The following CNTNAP3B variants were observed in gnomAD, a reference collection of about 807,000 sequenced individuals.
CNTNAP3B encodes contactin-associated protein-like 3B.
In CNTNAP3B, 25 loss-of-function variants were observed where a neutral mutation model predicts 108.9. The observed-to-expected ratio is 0.23, with a 90% CI of 0.17 to 0.32. The LOEUF (loss-of-function observed/expected upper bound fraction) is 0.32, where lower values mean the gene tolerates loss of function less well. Ranked by LOEUF, CNTNAP3B falls within the 10% of genes least tolerant of loss-of-function variation. The pLI is 1.00. For missense variants in CNTNAP3B, 252 were observed against 1,210.4 expected, an observed-to-expected ratio of 0.21 and a Z score of 11.75; for synonymous variants, 103 against 473.4, an observed-to-expected ratio of 0.22 and a Z score of 10.16.
At chr9:41,967,933 G>A (rs1344458572) in intron 10 of CNTNAP3B, among the ~76,000 whole-genome samples, 4 of 152,214 alleles carry the variant, frequency 2.6e-5, no homozygotes, top group South Asian at 2.1e-4. Flanking sequence ...ATGCTTAGTT[G>A]AGCATGTTTA....
chr9:42,012,928 G>C lies in CNTNAP3B; in HGVS notation c.538+450C>G, dbSNP rs184458715. 3.4e-3 allele frequency among the ~76,000 whole-genome samples: 326 copies of C among 96,700 alleles called. 108 individuals are homozygous for C. Among genetic ancestry groups the C allele is most frequent in the African/African-American group, 0.011 (280 of 25,568 alleles). 63.4% of individuals were successfully genotyped at this position (96,700 alleles called of 152,430 possible). On this transcript the variant is annotated intron_variant, in intron 4 of 23. Transcript: ENST00000377561. ...ATCAAGTGAAGCGACAGCATGGTGT[G>C]CAAAAGAGGACGTTAGCAGAGAAAA...
chr9:41,977,742 C>T (rs776712907), intron 9 of CNTNAP3B, among the ~76,000 whole-genome samples: 1 of 127,916 alleles, frequency 7.8e-6, no homozygotes, highest in Non-Finnish European at 1.6e-5. Flanking sequence ...GCCTCAGCCT[C>T]CTGGGAAGCT....
Position 41,962,441 on chromosome 9 carries a change from T to C in CNTNAP3B, c.1757-1549A>G, listed in dbSNP as rs1355669216. The stretch of plus-strand genomic sequence containing the variant: ...AATAACCATGGACTAATATAACTCA[T>C]TGATTAATTGCAACATTAAATGCAA... On this transcript the variant is annotated intron_variant, in intron 11 of 23. Coordinates refer to ENST00000377561, the MANE Select transcript of CNTNAP3B (RefSeq NM_001201380.3). Among the ~76,000 whole-genome samples, 726 of 151,528 alleles carry C rather than the reference T, an allele frequency of 4.8e-3. 1 individual carries two copies. The highest frequency in any genetic ancestry group is 8.0e-3 in the Admixed American group (122 of 15,164).
At chr9:42,101,989 G>A (rs1172548070) in intron 2 of CNTNAP3B, among the ~76,000 whole-genome samples, 1 of 82,740 alleles carries the variant, frequency 1.2e-5, no homozygotes, top group South Asian at 3.9e-4. Flanking sequence ...CTCAGGAGGC[G>A]GAGCTTGCAG....
At chr9:42,051,705 A>G (rs1158424760) in intron 3 of CNTNAP3B, among the ~76,000 whole-genome samples, 2 of 141,412 alleles carry the variant, frequency 1.4e-5, no homozygotes, top group African/African-American at 5.4e-5. Flanking sequence ...GTTAATGTAA[A>G]TTTATTGGCC....
intron 11 of CNTNAP3B, among the ~76,000 whole-genome samples, chr9:41,961,684 A>G (rs1825096949): frequency 1.3e-5 from 2 of 152,298 alleles, no homozygotes; most frequent in African/African-American, 4.8e-5. Flanking sequence ...AAAAATAATT[A>G]AAGCTGATTT....
At chr9:42,111,784 T>G (rs1310883087) in intron 1 of CNTNAP3B, among the ~76,000 whole-genome samples, 5 of 138,542 alleles carry the variant, frequency 3.6e-5, no homozygotes, top group Admixed American at 3.6e-4. Flanking sequence ...ATATGGCAGC[T>G]TTTCCATTAT....
Position 41,951,933 on chromosome 9 carries a change from C to CG in CNTNAP3B, c.2080+1249dup, listed in dbSNP as rs1824698963. ...CTCTACTAAAAATACAAAAATTAGC[C>CG]GGGCGTGGCGGCACCCGCCTGTATT... On this transcript the variant is annotated intron_variant, in intron 13 of 23. Coordinates refer to ENST00000377561, the MANE Select transcript of CNTNAP3B (RefSeq NM_001201380.3). Among the ~76,000 whole-genome samples the CG allele has an allele frequency of 2.6e-5, 4 of 152,338 alleles. No homozygotes were observed. In the South Asian group the frequency reaches 8.3e-4, roughly 32 times the overall value.
In CNTNAP3B at chr9:42,019,609, AAAT is replaced by A. The variant is rs1353841411; in HGVS notation, c.391-6087_391-6085del. ...TCTACTTCAAAAAAAAAAAAAAAAA[AAAT>A]TACCCTAGCATGGTGGCGTGCCCCT... is the stretch of plus-strand genomic sequence containing the variant. On this transcript the variant is annotated intron_variant, in intron 3 of 23. Coordinates refer to ENST00000377561, the MANE Select transcript of CNTNAP3B (RefSeq NM_001201380.3). Among the ~76,000 whole-genome samples, 3 of 145,906 alleles carry A rather than the reference AAAT, an allele frequency of 2.1e-5. No homozygotes were observed. In the East Asian group the frequency reaches 6.0e-4, roughly 29 times the overall value.
intron 14 of CNTNAP3B, among the ~76,000 whole-genome samples, chr9:41,934,697 A>G (rs1226216004): frequency 2.6e-5 from 4 of 152,292 alleles, no homozygotes; most frequent in African/African-American, 9.6e-5. Context: ...CTTGGTAAAT[A>G]TTTTCTATTC....
rs1375313176 is a variant in CNTNAP3B at position 42,029,316 on chromosome 9, G to A, written c.391-15791C>T. Reference sequence around the variant, plus strand: ...GTCAGTTTGTGTTTTATTATACTGCGATAAATGTGTTGCTTTTTCATTTGT... The same window carrying A: ...GTCAGTTTGTGTTTTATTATACTGCAATAAATGTGTTGCTTTTTCATTTGT... On this transcript the variant is annotated intron_variant, in intron 3 of 23. Transcript: ENST00000377561. Among the ~76,000 whole-genome samples the A allele has an allele frequency of 5.4e-5, 7 of 128,442 alleles. 1 individual carries two copies. The East Asian group carries it at 7.6e-4, about 14-fold the overall frequency. The allele number at this position is 128,442 out of a possible 152,430, so 84.3% of individuals were successfully genotyped here. A position where few individuals can be genotyped will look rare whatever the true frequency, so the allele number is the denominator to read the frequency against.
intron 1 of CNTNAP3B, among the ~76,000 whole-genome samples, chr9:42,119,656 T>G (rs1828412679): frequency 7.2e-6 from 1 of 138,420 alleles, no homozygotes; most frequent in Non-Finnish European, 1.5e-5. Flanking sequence ...AACAGAGCCC[T>G]CAGAAATAAT....
At position 41,961,500 on chromosome 9, in the gene CNTNAP3B, C is replaced by G. The variant is rs531715907; in HGVS notation, c.1757-608G>C. Among the ~76,000 whole-genome samples, 56 of 152,362 alleles carry G rather than the reference C, an allele frequency of 3.7e-4. No individual in the cohort carries two copies. The East Asian group carries it at 3.7e-3, about 10-fold the overall frequency. On this transcript the variant is annotated intron_variant, in intron 11 of 23. Coordinates refer to ENST00000377561, the MANE Select transcript of CNTNAP3B (RefSeq NM_001201380.3). Reference sequence around the variant, plus strand: ...GAAACCCTCATTCTCCCTGTAATAACTGAATACCTAAGCACATTAAAAGGC... The same window carrying G: ...GAAACCCTCATTCTCCCTGTAATAAGTGAATACCTAAGCACATTAAAAGGC...
chr9:41,913,600 T>C (rs1306798142), intron 18 of CNTNAP3B, among the ~76,000 whole-genome samples: 1 of 140,934 alleles, frequency 7.1e-6, no homozygotes, highest in Non-Finnish European at 1.5e-5. Context: ...TGTTGTGCAA[T>C]TATCACCTCT....
At chr9:41,933,916 CAAT>C (rs1824057388) in intron 14 of CNTNAP3B, among the ~76,000 whole-genome samples, 1 of 152,124 alleles carries the variant, frequency 6.6e-6, no homozygotes, top group South Asian at 2.1e-4. Flanking sequence ...ACTTATTCAA[CAAT>C]AATGTATAAT....
intron 14 of CNTNAP3B, among the ~76,000 whole-genome samples, chr9:41,934,541 C>T (rs1588049317): frequency 2.6e-5 from 4 of 152,358 alleles, no homozygotes. Context: ...ATATTTTAAA[C>T]AATCTGATGA....
At chr9:41,933,096 C>G (rs1824031364) in intron 14 of CNTNAP3B, among the ~76,000 whole-genome samples, 1 of 152,384 alleles carries the variant, frequency 6.6e-6, no homozygotes, top group Admixed American at 6.5e-5. Context: ...GCAATCCACA[C>G]AAGTAAAAAC....
intron 13 of CNTNAP3B, among the ~76,000 whole-genome samples, chr9:41,945,209 G>A (rs1483877095): frequency 9.9e-5 from 15 of 152,190 alleles, no homozygotes; most frequent in African/African-American, 2.4e-4. Context: ...ACAGTGTTGC[G>A]ATTCCTCATG....
intron 12 of CNTNAP3B, among the ~76,000 whole-genome samples, chr9:41,958,608 G>C (rs1316808779): frequency 6.6e-6 from 1 of 151,898 alleles, no homozygotes; most frequent in Non-Finnish European, 1.5e-5. Context: ...CTTCACAAGA[G>C]CTTCTCAGCC....
Sources: gnomAD v4.1 joint callset for allele counts (sites outside exome capture counted in the v4.1 genomes callset) on GRCh38, gnomAD v4.1.1 for gene constraint, MANE v1.5 for transcripts, NCBI Gene and HGNC (gene_info 2026-07-23, HGNC 2026-07-21) for gene names.